The following MACROD2 variants were observed in gnomAD, a reference collection of about 807,000 sequenced individuals.
MACROD2 encodes the protein mono-ADP ribosylhydrolase 2.
MACROD2 carries 36 observed loss-of-function variants against 70.4 expected under a neutral mutation model. The ratio of observed to expected loss-of-function variants is 0.51; its 90% CI spans 0.39 to 0.68. The LOEUF (loss-of-function observed/expected upper bound fraction) is 0.68, where lower values mean the gene tolerates loss of function less well. MACROD2 is among the 30% of genes least tolerant of loss of function. MACROD2 has a pLI of 0.00. For synonymous variants in MACROD2, 172 were observed against 178.8 expected (o/e 0.96, Z 0.30); for missense variants, 496 against 538.4 (o/e 0.92, Z 0.78).
At chr20:14,487,870 T>A (rs2084753419) in intron 3 of MACROD2, among the ~76,000 whole-genome samples, 1 of 152,224 alleles carries the variant, frequency 6.6e-6, no homozygotes, top group South Asian at 2.1e-4. Context: ...AAAAGTGTAA[T>A]ATAAAAATTG....
intron 8 of MACROD2, among the ~76,000 whole-genome samples, chr20:15,780,157 A>T (rs934402206): frequency 3.3e-5 from 5 of 152,150 alleles, no homozygotes; most frequent in African/African-American, 1.2e-4. Flanking sequence ...CCAACATTTT[A>T]TGGCCTAGCC....
intron 2 of MACROD2, among the ~76,000 whole-genome samples, chr20:14,037,790 G>A (rs1314817376): frequency 1.3e-5 from 2 of 151,876 alleles, no homozygotes; most frequent in African/African-American, 4.8e-5. Flanking sequence ...AGGCTGAGGC[G>A]GGTGGATGGT....
At chr20:14,621,318 G>C (rs1983813167) in intron 4 of MACROD2, among the ~76,000 whole-genome samples, 1 of 151,968 alleles carries the variant, frequency 6.6e-6, no homozygotes, top group Non-Finnish European at 1.5e-5. Context: ...TATGGGGTTG[G>C]GATAAGTTTA....
intron 8 of MACROD2, among the ~76,000 whole-genome samples, chr20:15,582,535 A>G (rs919477099): frequency 5.3e-5 from 8 of 152,216 alleles, no homozygotes; most frequent in African/African-American, 1.9e-4. Context: ...ACAGAAGCTT[A>G]TATATACTTG....
intron 3 of MACROD2, among the ~76,000 whole-genome samples, chr20:14,394,657 C>T (rs1262518266): frequency 1.3e-5 from 2 of 152,138 alleles, no homozygotes; most frequent in African/African-American, 4.8e-5. Flanking sequence ...AGGAGACATC[C>T]TTGCCTTGTT....
At chr20:15,723,555 G>T (rs1041368535) in intron 8 of MACROD2, among the ~76,000 whole-genome samples, 2 of 152,154 alleles carry the variant, frequency 1.3e-5, no homozygotes, top group Non-Finnish European at 2.9e-5. Flanking sequence ...GCCTTTTTCA[G>T]ATTGACTTCT....
At position 15,759,948 on chromosome 20, in the gene MACROD2, AT is replaced by A. The variant is rs143234104; in HGVS notation, c.646-102792del. Among the ~76,000 whole-genome samples, 232 of 152,258 alleles carry A rather than the reference AT, an allele frequency of 1.5e-3. 2 individuals carry two copies. The East Asian group carries it at 0.033, about 22-fold the overall frequency. Reference sequence around the variant, plus strand: ...CTGCCTTTCCCAAGAGGAGAACTGAATTTTTGCCGCGTAAAGCTTCAGAAAA... The same window carrying A: ...CTGCCTTTCCCAAGAGGAGAACTGAATTTTGCCGCGTAAAGCTTCAGAAAA... On this transcript the variant is annotated intron_variant, in intron 8 of 17. Coordinates refer to ENST00000684519, the MANE Select transcript of MACROD2 (RefSeq NM_001351661.2).
In MACROD2 at chr20:15,034,865, G is replaced by A. The variant is rs115462758; in HGVS notation, c.419-195075G>A. 8.1e-3 allele frequency among the ~76,000 whole-genome samples: 1,225 copies of A among 152,098 alleles called. 15 individuals are homozygous for A. Among genetic ancestry groups the A allele is most frequent in the African/African-American group, 0.028 (1,178 of 41,468 alleles). On this transcript the variant is annotated intron_variant, in intron 5 of 17. Coordinates refer to ENST00000684519, the MANE Select transcript of MACROD2 (RefSeq NM_001351661.2). Reference sequence around the variant, plus strand: ...CGTCAATCTACTTTAATTCATTGTTGGACATTTAACCTGGCCCTCCCATTT... The same window carrying A: ...CGTCAATCTACTTTAATTCATTGTTAGACATTTAACCTGGCCCTCCCATTT...
chr20:15,478,514 C>T lies in MACROD2; in HGVS notation c.572-21260C>T, dbSNP rs867725234. Among the ~76,000 whole-genome samples the T allele has an allele frequency of 3.3e-5, 5 of 151,894 alleles. No homozygotes were observed. In the South Asian group the frequency reaches 8.3e-4, roughly 25 times the overall value. On this transcript the variant is annotated intron_variant, in intron 7 of 17. Coordinates refer to ENST00000684519, the MANE Select transcript of MACROD2 (RefSeq NM_001351661.2). Reference sequence around the variant, plus strand: ...AATTACCTGCCACCATGTGTAAGTACGTGTATGCATGGTTGCGTGCATGAC... The same window carrying T: ...AATTACCTGCCACCATGTGTAAGTATGTGTATGCATGGTTGCGTGCATGAC...
chr20:15,583,002 G>A lies in MACROD2; in HGVS notation c.645+83155G>A, dbSNP rs954366348. The stretch of plus-strand genomic sequence containing the variant: ...AAAAATTCATCAGCTGAGTCGGGAT[G>A]TTAAGGCAAAAATATGATTTCTTGA... On this transcript the variant is annotated intron_variant, in intron 8 of 17. Transcript: ENST00000684519. 4.6e-5 allele frequency among the ~76,000 whole-genome samples: 7 copies of A among 152,126 alleles called. No individual in the cohort carries two copies. The East Asian group carries it at 1.2e-3, about 25-fold the overall frequency.
At chr20:14,970,396 GT>G (rs1226550767) in intron 5 of MACROD2, among the ~76,000 whole-genome samples, 1 of 151,844 alleles carries the variant, frequency 6.6e-6, no homozygotes, top group African/African-American at 2.4e-5. Context: ...TCGTTTAAGT[GT>G]TTTTTCAAGC....
intron 5 of MACROD2, among the ~76,000 whole-genome samples, chr20:15,055,000 A>T (rs535398011): frequency 7.7e-6 from 1 of 130,514 alleles, no homozygotes; most frequent in East Asian, 2.2e-4. Flanking sequence ...CTCAGGCTGG[A>T]GTGCAATGGT....
intron 7 of MACROD2, among the ~76,000 whole-genome samples, chr20:15,446,090 T>C (rs961461101): frequency 3.9e-5 from 6 of 152,150 alleles, no homozygotes; most frequent in Non-Finnish European, 8.8e-5. Flanking sequence ...TGTCAATAAA[T>C]GTCATGATGG....
chr20:14,095,305 T>C (rs1435069282), intron 3 of MACROD2, among the ~76,000 whole-genome samples: 1 of 152,198 alleles, frequency 6.6e-6, no homozygotes, highest in African/African-American at 2.4e-5. Flanking sequence ...GATCTTCAGA[T>C]GCCAGTGTGA....
At chr20:14,481,895 T>C (rs1290972722) in intron 3 of MACROD2, among the ~76,000 whole-genome samples, 2 of 152,214 alleles carry the variant, frequency 1.3e-5, no homozygotes, top group African/African-American at 4.8e-5. Context: ...TGATACATAA[T>C]AGATGCTTAG....
intron 3 of MACROD2, among the ~76,000 whole-genome samples, chr20:14,109,213 A>G (rs2054413872): frequency 6.6e-6 from 1 of 152,066 alleles, no homozygotes; most frequent in Non-Finnish European, 1.5e-5. Context: ...CATTTCTCAA[A>G]ACACATGGTA....
intron 5 of MACROD2, among the ~76,000 whole-genome samples, chr20:15,198,791 C>T (rs933534141): frequency 6.6e-5 from 10 of 152,054 alleles, no homozygotes; most frequent in African/African-American, 2.2e-4. Flanking sequence ...GAAGAGACTC[C>T]GTAGAGTGTA....
intron 8 of MACROD2, among the ~76,000 whole-genome samples, chr20:15,711,321 A>C (rs988962542): frequency 6.6e-6 from 1 of 152,210 alleles, no homozygotes; most frequent in Non-Finnish European, 1.5e-5. Context: ...GTGGTATGTT[A>C]ATTGCTAAAA....
rs1223205415 is a variant in MACROD2 at position 15,429,492 on chromosome 20, G to A, written c.541-1913G>A. Among the ~76,000 whole-genome samples the A allele has an allele frequency of 2.0e-5, 3 of 152,150 alleles. No homozygotes were observed. The East Asian group carries it at 5.8e-4, about 29-fold the overall frequency. Reference sequence around the variant, plus strand: ...CAGTTGAGCTTAACAAAGTCAATTTGTACTCTCTCTGAAACAAAATCACAT... The same window carrying A: ...CAGTTGAGCTTAACAAAGTCAATTTATACTCTCTCTGAAACAAAATCACAT... On this transcript the variant is annotated intron_variant, in intron 6 of 17. Transcript: ENST00000684519.
Sources: allele counts gnomAD v4.1 joint callset (sites outside exome capture counted in the v4.1 genomes callset), GRCh38; gene constraint gnomAD v4.1.1; transcripts MANE v1.5; gene names NCBI Gene and HGNC (gene_info 2026-07-23, HGNC 2026-07-21).